The following PCCA variants were observed in gnomAD, a reference collection of about 807,000 sequenced individuals.
PCCA encodes propionyl-CoA carboxylase alpha chain, mitochondrial.
A neutral mutation model predicts 101.3 loss-of-function variants in PCCA; 74 were observed. That is an observed-to-expected ratio of 0.73 (90% CI 0.61 to 0.89). The LOEUF is 0.89. PCCA is among the 40% of genes least tolerant of loss of function. PCCA has a pLI of 0.00. For synonymous variants in PCCA, 294 were observed against 313.6 expected, an observed-to-expected ratio of 0.94 and a Z score of 0.66; for missense variants, 891 against 907.0, an observed-to-expected ratio of 0.98 and a Z score of 0.23.
intron 22 of PCCA, among the ~76,000 whole-genome samples, chr13:100,522,530 C>T (rs573428678): frequency 1.3e-5 from 2 of 152,256 alleles, no homozygotes; most frequent in South Asian, 4.1e-4. Flanking sequence ...GGCGGGGCGG[C>T]TCGATGCTGT....
intron 21 of PCCA, among the ~76,000 whole-genome samples, chr13:100,488,205 T>C (rs2084552446): frequency 6.6e-6 from 1 of 152,186 alleles, no homozygotes. Context: ...GTGATTCTCA[T>C]GTCTCAGCCT....
chr13:100,431,295 T>C (rs751475161), intron 20 of PCCA, among the ~76,000 whole-genome samples: 1 of 152,242 alleles, frequency 6.6e-6, no homozygotes, highest in Non-Finnish European at 1.5e-5. Context: ...TTGGATTATC[T>C]TTTTCTTATT....
intron 8 of PCCA, among the ~76,000 whole-genome samples, chr13:100,248,616 A>C (rs1034489476): frequency 1.3e-5 from 2 of 152,112 alleles, no homozygotes; most frequent in African/African-American, 4.8e-5. Flanking sequence ...TGTCTCTTCA[A>C]ATCTTTTGTT....
chr13:100,132,270 C>CCATTACCCCTCAGACCCCCTTGTGAGT (rs2050595947), intron 4 of PCCA, among the ~76,000 whole-genome samples: 1 of 133,798 alleles, frequency 7.5e-6, no homozygotes, highest in Non-Finnish European at 1.6e-5. Context: ...CAGAGTAGTT[C>CCATTACCCCTCAGACCCCCTTGTGAGT]CATTACCCCT....
At chr13:100,393,410 G>A in intron 19 of PCCA, among the ~76,000 whole-genome samples, 1 of 145,836 alleles carries the variant, frequency 6.9e-6, no homozygotes, top group South Asian at 2.2e-4. Flanking sequence ...ATTAACTACT[G>A]AAGAGTCTTT....
At chr13:100,413,790 T>C (rs1028043033) in intron 19 of PCCA, among the ~76,000 whole-genome samples, 2 of 152,216 alleles carry the variant, frequency 1.3e-5, no homozygotes, top group Non-Finnish European at 2.9e-5. Flanking sequence ...AAACACAGGA[T>C]TCCACCATAA....
At chr13:100,261,388 G>A (rs1356484317) in intron 9 of PCCA, among the ~76,000 whole-genome samples, 3 of 149,392 alleles carry the variant, frequency 2.0e-5, no homozygotes, top group Non-Finnish European at 4.4e-5. Context: ...TTTTTTTTGA[G>A]ATGGAGTCTC....
intron 21 of PCCA, among the ~76,000 whole-genome samples, chr13:100,452,502 T>G (rs2081404040): frequency 6.6e-6 from 1 of 152,210 alleles, no homozygotes; most frequent in Non-Finnish European, 1.5e-5. Context: ...TAAGAACATC[T>G]GCCCCTACAT....
chr13:100,410,945 T>C (rs1360402576), intron 19 of PCCA, among the ~76,000 whole-genome samples: 1 of 152,206 alleles, frequency 6.6e-6, no homozygotes, highest in Non-Finnish European at 1.5e-5. Context: ...AAGAAAATAG[T>C]AGCAAACTTG....
chr13:100,197,029 A>G (rs964060880), intron 6 of PCCA, among the ~76,000 whole-genome samples: 4 of 152,164 alleles, frequency 2.6e-5, no homozygotes, highest in African/African-American at 9.7e-5. Context: ...ATTAGGATTT[A>G]TATTCCAGTC....
intron 18 of PCCA, among the ~76,000 whole-genome samples, chr13:100,358,826 A>T (rs887101868): frequency 6.6e-6 from 1 of 152,178 alleles, no homozygotes; most frequent in African/African-American, 2.4e-5. Flanking sequence ...GCTGTTTTTT[A>T]AAATGTCAAA....
In PCCA at chr13:100,099,742, T is replaced by A. The variant is rs1295147772; in HGVS notation, c.106-3141T>A. Among the ~76,000 whole-genome samples, 39 of 152,138 alleles carry A rather than the reference T, an allele frequency of 2.6e-4. 1 individual carries two copies. Among genetic ancestry groups the A allele is most frequent in the Admixed American group, 2.6e-3 (39 of 15,262 alleles). ...AAAGCCTACCATTTCCCCCGCTTTT[T>A]GTGTAAGTTATTGTGTGCTGATGAT... On this transcript the variant is annotated intron_variant, in intron 1 of 23. Transcript: ENST00000376285.
chr13:100,282,671 G>C (rs541583389), intron 12 of PCCA, among the ~76,000 whole-genome samples: 1 of 152,322 alleles, frequency 6.6e-6, no homozygotes, highest in Non-Finnish European at 1.5e-5. Context: ...GGGGAAAAAT[G>C]GCCACCTGAG....
chr13:100,376,700 G>T (rs1326328139), intron 19 of PCCA, among the ~76,000 whole-genome samples: 1 of 152,180 alleles, frequency 6.6e-6, no homozygotes, highest in Admixed American at 6.5e-5. Flanking sequence ...TGCTGTGCTG[G>T]CAGTGAGAAT....
At chr13:100,489,695 G>A (rs1251379062) in intron 21 of PCCA, among the ~76,000 whole-genome samples, 7 of 152,194 alleles carry the variant, frequency 4.6e-5, no homozygotes, top group African/African-American at 1.7e-4. Flanking sequence ...AAAACAAAAT[G>A]TACCAGACAA....
rs1261864267 is a variant in PCCA at position 100,137,024 on chromosome 13, C to T, written c.301-17955C>T. ...TTCTTATTTAATACTATAATTTTCT[C>T]TCTAAGCACTCTAAGTGCATCTAAT... is the stretch of plus-strand genomic sequence containing the variant. On this transcript the variant is annotated intron_variant, in intron 4 of 23. Coordinates refer to ENST00000376285, the MANE Select transcript of PCCA (RefSeq NM_000282.4). 2.0e-5 allele frequency among the ~76,000 whole-genome samples: 3 copies of T among 151,830 alleles called. No individual in the cohort carries two copies. The East Asian group carries it at 5.8e-4, about 29-fold the overall frequency.
chr13:100,488,761 G>A (rs756787559), intron 21 of PCCA, among the ~76,000 whole-genome samples: 11 of 151,676 alleles, frequency 7.3e-5, no homozygotes, highest in Admixed American at 2.0e-4. Context: ...AGCTAGGATC[G>A]CATCACTGCA....
intron 6 of PCCA, among the ~76,000 whole-genome samples, chr13:100,172,825 T>C (rs906537069): frequency 1.3e-5 from 2 of 152,228 alleles, no homozygotes; most frequent in Non-Finnish European, 2.9e-5. Flanking sequence ...GTACTATTAT[T>C]TCTGCTTTTC....
At chr13:100,384,070 G>C (rs1296634673) in intron 19 of PCCA, among the ~76,000 whole-genome samples, 1 of 151,126 alleles carries the variant, frequency 6.6e-6, no homozygotes, top group Non-Finnish European at 1.5e-5. Context: ...CTGTTGCCCA[G>C]GCAGGAGTGC....
Sources: gnomAD v4.1 joint callset for allele counts (sites outside exome capture counted in the v4.1 genomes callset) on GRCh38, gnomAD v4.1.1 for gene constraint, MANE v1.5 for transcripts, NCBI Gene and HGNC (gene_info 2026-07-23, HGNC 2026-07-21) for gene names.